The following RICTOR variants were observed in gnomAD, a reference collection of about 807,000 sequenced individuals.
RICTOR encodes RPTOR independent companion of MTOR complex 2, also known as rapamycin-insensitive companion of mTOR.
RICTOR carries 49 observed loss-of-function variants against 214.9 expected under a neutral mutation model. The ratio of observed to expected loss-of-function variants is 0.23; its 90% CI spans 0.18 to 0.29. The LOEUF is 0.29. RICTOR is among the 10% of genes least tolerant of loss of function. The probability of loss-of-function intolerance (pLI) is 1.00; values close to 1 mark genes in which losing one functional copy is unlikely to be tolerated. For synonymous variants in RICTOR, 717 were observed against 711.3 expected, an observed-to-expected ratio of 1.01 and a Z score of -0.13; for missense variants, 1,625 against 2,047.0, an observed-to-expected ratio of 0.79 and a Z score of 3.98.
chr5:39,039,685 A>G (rs1757019758), intron 2 of RICTOR, among the ~76,000 whole-genome samples: 1 of 152,236 alleles, frequency 6.6e-6, no homozygotes, highest in Non-Finnish European at 1.5e-5. Context: ...TCAAAAGAAG[A>G]CATTTATGCA....
chr5:38,973,919 C>T (rs988452682), intron 10 of RICTOR, among the ~76,000 whole-genome samples: 3 of 152,132 alleles, frequency 2.0e-5, no homozygotes, highest in African/African-American at 4.8e-5. Flanking sequence ...AACTTATAAA[C>T]AGTACTACAG....
chr5:38,977,248 G>A (rs1036325341), intron 9 of RICTOR, among the ~76,000 whole-genome samples: 2 of 152,208 alleles, frequency 1.3e-5, no homozygotes, highest in African/African-American at 4.8e-5. Flanking sequence ...GAATGACCTT[G>A]GAAGTGGATT....
intron 35 of RICTOR, 135 bp from the exon 36 acceptor site, chr5:38,944,704 C>G: frequency 1.1e-6 from 1 of 907,572 alleles, no homozygotes; most frequent in South Asian, 1.7e-5. Flanking sequence ...ATTTTGGGAG[C>G]AAAACTCTAA....
At chr5:39,020,914 G>A (rs1755372408) in intron 3 of RICTOR, 125 bp downstream of exon 3, 1 of 625,368 alleles carries the variant, frequency 1.6e-6, no homozygotes, top group African/African-American at 1.8e-5. Context: ...TGAGAAGCAG[G>A]AAAGAAAAGC....
intron 2 of RICTOR, among the ~76,000 whole-genome samples, chr5:39,038,374 A>G (rs368142300): frequency 2.6e-5 from 4 of 152,186 alleles, no homozygotes; most frequent in Admixed American, 6.5e-5. Context: ...TACTGAATGG[A>G]CAAAAACTGG....
At chr5:39,064,260 C>A (rs1393508027) in intron 2 of RICTOR, among the ~76,000 whole-genome samples, 2 of 152,156 alleles carry the variant, frequency 1.3e-5, no homozygotes, top group African/African-American at 2.4e-5. Context: ...ATAACAGTAT[C>A]TGTAGATGAC....
intron 2 of RICTOR, among the ~76,000 whole-genome samples, chr5:39,058,329 T>C (rs1266323984): frequency 6.6e-6 from 1 of 151,852 alleles, no homozygotes; most frequent in African/African-American, 2.4e-5. Flanking sequence ...AGGCTAGAAA[T>C]AGCAAAATAG....
chr5:38,959,824 T>C lies in RICTOR; in HGVS notation c.2006A>G (p.His669Arg). The change falls in exon 21 of 38, where the codon CAC (histidine) becomes CGC (arginine). Residue 669 changes from histidine (H) to arginine (R), a missense_variant. By Grantham distance (29) the His-to-Arg change is conservative. Transcript: ENST00000357387. ...TTCCAGCATTTTAACTCCATGAGGG[T>C]GGCAAGAAAGTGTTCCAATAAATAA... ...YFLFIGTLSC[H>R]PHGVKMLEKC... The C allele has an allele frequency of 1.2e-6, 2 of 1,613,560 alleles. No individual in the cohort carries two copies. The highest frequency in any genetic ancestry group is 1.7e-6 in the Non-Finnish European group (2 of 1,179,638).
Position 38,958,453 on chromosome 5 carries a change from G to T in RICTOR, c.2410C>A (p.Leu804Ile). The T allele has an allele frequency of 6.2e-7, 1 of 1,606,258 alleles. No individual in the cohort carries two copies. Among genetic ancestry groups the T allele is most frequent in the Non-Finnish European group, 8.5e-7 (1 of 1,173,152 alleles). Residue 804 changes from leucine (L) to isoleucine (I), a missense_variant, in exon 24 of 38, where the codon CTC becomes ATC. Physicochemically the swap from Leu to Ile is conservative, Grantham distance 5. This residue lies in a region of RICTOR where 1,214 missense variants were observed against 1,470.5 expected (regional missense o/e 0.83). Transcript: ENST00000357387. Reference protein sequence around the residue: ...LSHLGDKGLLLLLRFLSIPKG... With the variant: ...LSHLGDKGLLILLRFLSIPKG... ...TTACTTAAAATTTACCTCAGCAGGA[G>T]AAGCAAACCCTTGTCTCCAAGGTGG...
intron 2 of RICTOR, among the ~76,000 whole-genome samples, chr5:39,047,335 C>G (rs1338494911): frequency 6.6e-6 from 1 of 152,132 alleles, no homozygotes; most frequent in Admixed American, 6.5e-5. Context: ...CTAGATCCCT[C>G]GCATGTGCAG....
chr5:39,039,329 A>G (rs1047195379), intron 2 of RICTOR, among the ~76,000 whole-genome samples: 3 of 152,198 alleles, frequency 2.0e-5, no homozygotes, highest in Non-Finnish European at 2.9e-5. Flanking sequence ...CATGGATTAA[A>G]GACTTAAATG....
At chr5:38,966,458 C>A (rs922685138) in intron 15 of RICTOR, among the ~76,000 whole-genome samples, 183 bp downstream of exon 15, 1 of 152,230 alleles carries the variant, frequency 6.6e-6, no homozygotes, top group African/African-American at 2.4e-5. Context: ...CATGCGCATG[C>A]GCGCACGTAC....
chr5:38,944,623 T>A, intron 35 of RICTOR, 54 bp from the exon 36 acceptor site: 1 of 1,429,236 alleles, frequency 7.0e-7, no homozygotes, highest in African/African-American at 1.4e-5. Flanking sequence ...ATAAAATGAT[T>A]AAAACTCATG....
At chr5:38,974,508 T>C (rs971729784) in intron 10 of RICTOR, among the ~76,000 whole-genome samples, 1 of 152,054 alleles carries the variant, frequency 6.6e-6, no homozygotes, top group African/African-American at 2.4e-5. Flanking sequence ...AGGATAGAAT[T>C]AATTTTTTTG....
chr5:38,943,159 T>A lies in RICTOR; in HGVS notation c.4914-188A>T, dbSNP rs1747780669. ...CACACTTAGACATTCTGAGTTTGGGTTTTTTTTTAAAAAAAATGATTATCA... is the reference window on the plus strand; with the variant it reads ...CACACTTAGACATTCTGAGTTTGGGATTTTTTTTAAAAAAAATGATTATCA... On this transcript the variant is annotated intron_variant, in intron 36 of 37. Coordinates refer to ENST00000357387, the MANE Select transcript of RICTOR (RefSeq NM_152756.5). 3 of 293,058 alleles carry A rather than the reference T, an allele frequency of 1.0e-5. No individual in the cohort carries two copies. In the South Asian group the frequency reaches 2.3e-4, roughly 22 times the overall value. The allele number at this position is 293,058 out of a possible 1,614,324, so 18.2% of individuals were successfully genotyped here. A position where few individuals can be genotyped will look rare whatever the true frequency, so the allele number is the denominator to read the frequency against.
intron 2 of RICTOR, among the ~76,000 whole-genome samples, chr5:39,069,452 T>C (rs1455371979): frequency 6.6e-6 from 1 of 152,134 alleles, no homozygotes; most frequent in Non-Finnish European, 1.5e-5. Flanking sequence ...GAAACAGTAT[T>C]AGAAGCATAA....
At chr5:39,052,676 TGACTA>T (rs1345515209) in intron 2 of RICTOR, among the ~76,000 whole-genome samples, 1 of 152,224 alleles carries the variant, frequency 6.6e-6, no homozygotes, top group African/African-American at 2.4e-5. Flanking sequence ...GGAAGATTAC[TGACTA>T]GTTTAACTCA....
intron 3 of RICTOR, among the ~76,000 whole-genome samples, chr5:39,012,005 C>T (rs1035874688): frequency 1.3e-5 from 2 of 152,036 alleles, no homozygotes; most frequent in Non-Finnish European, 1.5e-5. Context: ...TGGGAGGGGC[C>T]AGGGCAGAAT....
Position 38,975,612 on chromosome 5 carries a change from G to A in RICTOR, c.822-8C>T, listed in dbSNP as rs560381083. On this transcript the variant is annotated splice_polypyrimidine_tract_variant and splice_region_variant and intron_variant, in intron 9 of 37. Transcript: ENST00000357387. ...CGTGCTTCTCTGTCTTCTCTGTTGG[G>A]GGTGGGGAGGCAGCGGGGAGAATCA... The A allele has an allele frequency of 3.7e-6, 6 of 1,611,412 alleles. No homozygotes were observed. In the East Asian group the frequency reaches 1.3e-4, roughly 36 times the overall value.
Sources: allele counts gnomAD v4.1 joint callset (sites outside exome capture counted in the v4.1 genomes callset), GRCh38; gene constraint gnomAD v4.1.1; regional missense constraint gnomAD v4.1.1; transcripts MANE v1.5; gene names NCBI Gene and HGNC (gene_info 2026-07-23, HGNC 2026-07-21).